XIRP2: variants seen among roughly 807,000 people sequenced by gnomAD.
XIRP2 encodes the protein xin actin binding repeat containing 2.
Under a neutral mutation model 277.0 loss-of-function variants are expected in XIRP2, and 236 were observed. The ratio of observed to expected loss-of-function variants is 0.85; its 90% CI spans 0.77 to 0.95. The LOEUF (loss-of-function observed/expected upper bound fraction) is 0.95, where lower values mean the gene tolerates loss of function less well. Among genes scored for constraint, XIRP2 ranks in the 40% least tolerant of loss-of-function variants. The pLI, the probability that XIRP2 is intolerant of heterozygous loss-of-function variation, is 0.00. For missense variants in XIRP2, 4,640 were observed against 4,157.5 expected (o/e 1.12, Z -3.19); for synonymous variants, 1,490 against 1,416.5 (o/e 1.05, Z -1.17).
Position 166,955,440 on chromosome 2 carries a change from G to A in XIRP2, c.408+51550G>A, listed in dbSNP as rs963892885. On this transcript the variant is annotated intron_variant, in intron 2 of 10. Coordinates refer to ENST00000409195, the MANE Select transcript of XIRP2 (RefSeq NM_152381.6). ...AGTATGAGGGGCAAGAGGATTAACA[G>A]TAAATAAATATGAAGGATTGAGGGG... Among the ~76,000 whole-genome samples, 4 of 151,712 alleles carry A rather than the reference G, an allele frequency of 2.6e-5. No homozygotes were observed. In the East Asian group the frequency reaches 7.8e-4, roughly 30 times the overall value.
intron 2 of XIRP2, among the ~76,000 whole-genome samples, chr2:167,107,103 AAG>A (rs1000654758): frequency 6.6e-6 from 1 of 151,714 alleles, no homozygotes; most frequent in African/African-American, 2.4e-5. Context: ...TGCAAATTGG[AAG>A]AGTTTTATTC....
At chr2:167,138,532 CAAAT>C (rs1691621018) in intron 3 of XIRP2, among the ~76,000 whole-genome samples, 1 of 152,186 alleles carries the variant, frequency 6.6e-6, no homozygotes, top group Admixed American at 6.5e-5. Context: ...GTATTGGTGT[CAAAT>C]AAACCATAGT....
Position 167,247,713 on chromosome 2 carries a change from G to A in XIRP2, c.6321G>A (p.Lys2107=). The change falls in exon 9 of 11, where the codon AAG becomes AAA. Residue 2107 remains lysine (K), a synonymous_variant. Transcript: ENST00000409195. ...ESDRAVRELK[K]DDVFNSIQSA... is the part of the protein sequence containing the mutation. The stretch of plus-strand genomic sequence containing the variant: ...ACAGGGCAGTGAGAGAGCTGAAGAA[G>A]GATGATGTCTTTAATTCCATCCAAT... 6.2e-7 allele frequency: 1 copy of A among 1,613,588 alleles called. No individual in the cohort carries two copies. Among genetic ancestry groups the A allele is most frequent in the Non-Finnish European group, 8.5e-7 (1 of 1,179,742 alleles).
intron 7 of XIRP2, among the ~76,000 whole-genome samples, 179 bp downstream of exon 7, chr2:167,240,915 A>G (rs922606337): frequency 2.0e-5 from 3 of 152,162 alleles, no homozygotes; most frequent in African/African-American, 7.2e-5. Context: ...CTGTGGTCAT[A>G]GGTGCAATAA....
chr2:166,898,663 T>G (rs1684303949), intron 1 of XIRP2, among the ~76,000 whole-genome samples: 1 of 152,024 alleles, frequency 6.6e-6, no homozygotes, highest in Non-Finnish European at 1.5e-5. Flanking sequence ...AATAGTACTG[T>G]GCCACTTATC....
In XIRP2 at chr2:167,245,054, A is replaced by C. The variant is rs377114620; in HGVS notation, c.3662A>C (p.Lys1221Thr). 1.2e-6 allele frequency: 2 copies of C among 1,611,606 alleles called. No individual in the cohort carries two copies. The highest frequency in any genetic ancestry group is 3.4e-5 in the Admixed American group (2 of 59,592). The change falls in exon 9 of 11, where the codon AAA (lysine) becomes ACA (threonine). Residue 1221 changes from lysine (K) to threonine (T), a missense_variant. Transcript: ENST00000409195. The part of the protein sequence containing the change: ...SISSSSEEVL[K>T]KIKTLKTEDI... ...AGTTCTAGTTCAGAGGAAGTTTTGA[A>C]AAAGATCAAAACCTTAAAAACTGAA...
At chr2:167,045,418 A>G (rs1211507560) in intron 2 of XIRP2, among the ~76,000 whole-genome samples, 1 of 152,160 alleles carries the variant, frequency 6.6e-6, no homozygotes, top group Non-Finnish European at 1.5e-5. Context: ...TAATTAAACT[A>G]AAGAGTTCTG....
At chr2:166,946,632 T>C (rs1685873972) in intron 2 of XIRP2, among the ~76,000 whole-genome samples, 1 of 152,126 alleles carries the variant, frequency 6.6e-6, no homozygotes. Flanking sequence ...CACTCATAAG[T>C]ATTCATGGAG....
intron 3 of XIRP2, among the ~76,000 whole-genome samples, chr2:167,206,670 A>G (rs1301033560): frequency 6.6e-6 from 1 of 152,138 alleles, no homozygotes. Context: ...GGGAGAAGGG[A>G]AAAGAAATGA....
At chr2:166,934,400 C>G (rs556091075) in intron 2 of XIRP2, among the ~76,000 whole-genome samples, 2 of 152,114 alleles carry the variant, frequency 1.3e-5, no homozygotes, top group South Asian at 4.1e-4. Context: ...CACCAAAAAC[C>G]TAAGGGAACT....
chr2:167,184,720 T>G (rs916755062), intron 3 of XIRP2: 2 of 673,312 alleles, frequency 3.0e-6, no homozygotes, highest in Non-Finnish European at 5.5e-6. Flanking sequence ...ACATATATTA[T>G]CTCTGCAATT....
At chr2:167,110,677 A>G (rs901128343) in intron 2 of XIRP2, among the ~76,000 whole-genome samples, 1 of 152,042 alleles carries the variant, frequency 6.6e-6, no homozygotes, top group Non-Finnish European at 1.5e-5. Context: ...TTCCATATGT[A>G]TTTTAAAATA....
At chr2:167,137,758 G>T (rs149336987) in intron 3 of XIRP2, among the ~76,000 whole-genome samples, 75 of 152,242 alleles carry the variant, frequency 4.9e-4, no homozygotes, top group Non-Finnish European at 9.7e-4. Flanking sequence ...AACACAAGGT[G>T]GGAAAATTGC....
At chr2:167,094,863 T>TATTG (rs1210535122) in intron 2 of XIRP2, among the ~76,000 whole-genome samples, 30 of 152,224 alleles carry the variant, frequency 2.0e-4, no homozygotes, top group African/African-American at 7.0e-4. Context: ...GGAAGCCAAT[T>TATTG]GTAGCTTGAT....
At chr2:167,113,375 G>A (rs1053496302) in intron 2 of XIRP2, among the ~76,000 whole-genome samples, 1 of 152,122 alleles carries the variant, frequency 6.6e-6, no homozygotes, top group African/African-American at 2.4e-5. Flanking sequence ...TCTTCTTGTT[G>A]AATTGAACTC....
At chr2:167,197,157 T>C (rs1242916265) in intron 3 of XIRP2, among the ~76,000 whole-genome samples, 1 of 152,212 alleles carries the variant, frequency 6.6e-6, no homozygotes, top group Non-Finnish European at 1.5e-5. Flanking sequence ...CTGAATTTCT[T>C]TGTGGGAGAG....
Position 167,250,516 on chromosome 2 carries a change from C to G in XIRP2, c.9124C>G (p.Pro3042Ala), listed in dbSNP as rs768746960. The G allele has an allele frequency of 1.2e-6, 2 of 1,613,502 alleles. No individual in the cohort carries two copies. The highest frequency in any genetic ancestry group is 1.7e-6 in the Non-Finnish European group (2 of 1,179,670). Residue 3042 changes from proline (P) to alanine (A), a missense_variant, in exon 9 of 11, where the codon CCG (proline) becomes GCG (alanine). Transcript: ENST00000409195. ...TAMMSSKTGK[P>A]GNKPTSLDET... The stretch of plus-strand genomic sequence containing the variant: ...CATGATGTCCTCCAAAACAGGAAAA[C>G]CGGGAAATAAACCCACTAGTCTTGA...
chr2:166,944,255 CCATT>C (rs1458215260), intron 2 of XIRP2, among the ~76,000 whole-genome samples: 28 of 152,082 alleles, frequency 1.8e-4, no homozygotes, highest in Admixed American at 1.8e-3. Flanking sequence ...TGTCATTAGT[CCATT>C]CATTTTTCCT....
chr2:167,150,016 T>A (rs766587460), intron 3 of XIRP2, among the ~76,000 whole-genome samples: 2 of 151,950 alleles, frequency 1.3e-5, no homozygotes, highest in Non-Finnish European at 2.9e-5. Flanking sequence ...TATTCACTAT[T>A]TGAGTGATGG....
Sources: gnomAD v4.1 joint callset for allele counts (sites outside exome capture counted in the v4.1 genomes callset) on GRCh38, gnomAD v4.1.1 for gene constraint, MANE v1.5 for transcripts, NCBI Gene and HGNC (gene_info 2026-07-23, HGNC 2026-07-21) for gene names.